The following NKAIN2 variants were observed in gnomAD, a reference collection of about 807,000 sequenced individuals.
The protein encoded by NKAIN2 is sodium/potassium-transporting ATPase subunit beta-1-interacting protein 2.
In NKAIN2, 14 loss-of-function variants were observed where a neutral mutation model predicts 32.6. The observed-to-expected ratio is 0.43, with a 90% CI of 0.28 to 0.67. The LOEUF is 0.67. Ranked by LOEUF, NKAIN2 falls within the 30% of genes least tolerant of loss-of-function variation. NKAIN2 has a pLI of 0.17. For synonymous variants in NKAIN2, 80 were observed against 87.2 expected (o/e 0.92, Z 0.46); for missense variants, 198 against 258.3 (o/e 0.77, Z 1.60).
intron 1 of NKAIN2, among the ~76,000 whole-genome samples, chr6:124,016,982 C>G (rs1780601945): frequency 6.6e-6 from 1 of 152,078 alleles, no homozygotes; most frequent in African/African-American, 2.4e-5. Flanking sequence ...CTGTATGTAC[C>G]CTGTGTATTA....
chr6:124,425,156 AAGAG>A (rs1471953295), intron 3 of NKAIN2, among the ~76,000 whole-genome samples: 1 of 152,144 alleles, frequency 6.6e-6, no homozygotes, highest in Non-Finnish European at 1.5e-5. Flanking sequence ...CAGTTTTAAG[AAGAG>A]AGATAAAGTC....
chr6:124,663,426 A>ATCTC (rs1562312604), intron 4 of NKAIN2, among the ~76,000 whole-genome samples: 2 of 150,688 alleles, frequency 1.3e-5, no homozygotes, highest in Admixed American at 1.3e-4. Context: ...GCAAGACTCC[A>ATCTC]TCTCAAAAAA....
chr6:124,818,811 T>A (rs1248033053), intron 6 of NKAIN2, among the ~76,000 whole-genome samples: 1 of 152,114 alleles, frequency 6.6e-6, no homozygotes, highest in Non-Finnish European at 1.5e-5. Flanking sequence ...TAATTATATA[T>A]AAACCATATG....
intron 1 of NKAIN2, among the ~76,000 whole-genome samples, chr6:124,127,162 A>G (rs1046123636): frequency 3.3e-5 from 5 of 152,344 alleles, no homozygotes; most frequent in South Asian, 4.1e-4. Flanking sequence ...CTATTCAGAA[A>G]TGACTTCCAG....
chr6:123,965,253 C>T (rs1040514721), intron 1 of NKAIN2, among the ~76,000 whole-genome samples: 1 of 152,136 alleles, frequency 6.6e-6, no homozygotes, highest in Non-Finnish European at 1.5e-5. Flanking sequence ...ACGCTGGACT[C>T]TGGTAACTCA....
intron 3 of NKAIN2, among the ~76,000 whole-genome samples, chr6:124,394,453 T>TA (rs1773275093): frequency 8.6e-6 from 1 of 116,708 alleles, no homozygotes; most frequent in African/African-American, 3.2e-5. Context: ...ACAGAATCAA[T>TA]ATGAGATAGA....
chr6:123,976,692 T>G (rs1397782282), intron 1 of NKAIN2, among the ~76,000 whole-genome samples: 2 of 151,940 alleles, frequency 1.3e-5, no homozygotes, highest in Non-Finnish European at 1.5e-5. Context: ...CATATAAAAT[T>G]AACTATCATG....
intron 3 of NKAIN2, among the ~76,000 whole-genome samples, chr6:124,647,464 A>C (rs1427983638): frequency 7.4e-6 from 1 of 135,120 alleles, no homozygotes; most frequent in South Asian, 2.5e-4. Context: ...GTGCCACTGC[A>C]CTCCAGCCTG....
intron 1 of NKAIN2, among the ~76,000 whole-genome samples, chr6:124,211,697 A>T (rs189157093): frequency 1.9e-4 from 29 of 152,038 alleles, no homozygotes; most frequent in South Asian, 6.2e-4. Context: ...TTGAATGTAG[A>T]TATATAATCT....
chr6:124,654,996 T>C (rs577893833), intron 3 of NKAIN2, among the ~76,000 whole-genome samples: 94 of 152,238 alleles, frequency 6.2e-4, no homozygotes, highest in African/African-American at 2.2e-3. Flanking sequence ...AGTTACTGTA[T>C]TAGAAAGAGG....
intron 1 of NKAIN2, among the ~76,000 whole-genome samples, chr6:123,857,514 ATTTTTT>A (rs1775601848): frequency 6.6e-6 from 1 of 152,112 alleles, no homozygotes; most frequent in African/African-American, 2.4e-5. Context: ...GAAAATTTTT[ATTTTTT>A]AAGTTCGTAG....
At chr6:124,276,189 A>T (rs1320455798) in intron 1 of NKAIN2, among the ~76,000 whole-genome samples, 6 of 152,012 alleles carry the variant, frequency 3.9e-5, no homozygotes, top group Non-Finnish European at 8.8e-5. Flanking sequence ...TTTTTAAAGA[A>T]AAACCATTAT....
intron 4 of NKAIN2, among the ~76,000 whole-genome samples, chr6:124,715,428 G>T (rs1447813798): frequency 6.6e-6 from 1 of 152,116 alleles, no homozygotes; most frequent in Non-Finnish European, 1.5e-5. Flanking sequence ...TCCCTGTGGG[G>T]CTAGAACTAG....
At chr6:124,359,406 A>G (rs564463270) in intron 3 of NKAIN2, among the ~76,000 whole-genome samples, 3 of 152,320 alleles carry the variant, frequency 2.0e-5, no homozygotes, top group South Asian at 2.1e-4. Context: ...ACGCATGAGC[A>G]TGGAATGTTC....
chr6:124,663,430 C>CA (rs200660155), intron 4 of NKAIN2, among the ~76,000 whole-genome samples: 90 of 139,608 alleles, frequency 6.4e-4, no homozygotes, highest in Middle Eastern at 3.8e-3. Context: ...GACTCCATCT[C>CA]AAAAAAAAAA....
At chr6:124,356,407 A>G (rs551765157) in intron 3 of NKAIN2, among the ~76,000 whole-genome samples, 1 of 152,310 alleles carries the variant, frequency 6.6e-6, no homozygotes, top group South Asian at 2.1e-4. Flanking sequence ...AGGAAAAATC[A>G]TTTTGATTTG....
intron 1 of NKAIN2, among the ~76,000 whole-genome samples, chr6:123,932,418 T>C (rs1404932869): frequency 2.6e-4 from 18 of 69,260 alleles, no homozygotes; most frequent in South Asian, 5.8e-4. Flanking sequence ...TTTTTTTTTT[T>C]TTTTTTTTTT....
At chr6:124,738,293 T>G (rs1266303546) in intron 4 of NKAIN2, among the ~76,000 whole-genome samples, 1 of 151,892 alleles carries the variant, frequency 6.6e-6, no homozygotes, top group African/African-American at 2.4e-5. Flanking sequence ...CAAGATAGTA[T>G]GAACATAGTT....
intron 1 of NKAIN2, among the ~76,000 whole-genome samples, chr6:124,202,656 GA>G (rs1790651554): frequency 1.3e-5 from 2 of 151,788 alleles, no homozygotes; most frequent in Non-Finnish European, 2.9e-5. Flanking sequence ...TGAATGTTAG[GA>G]TTTTTTTTAT....
Sources: gnomAD v4.1 joint callset for allele counts (sites outside exome capture counted in the v4.1 genomes callset) on GRCh38, gnomAD v4.1.1 for gene constraint, MANE v1.5 for transcripts, NCBI Gene and HGNC (gene_info 2026-07-23, HGNC 2026-07-21) for gene names.